The following CAMK2B variants were observed in gnomAD, a reference collection of about 807,000 sequenced individuals.
CAMK2B encodes the protein calcium/calmodulin-dependent protein kinase type II subunit beta.
In CAMK2B, 27 loss-of-function variants were observed where a neutral mutation model predicts 93.7. The observed-to-expected ratio is 0.29, with a 90% CI of 0.21 to 0.40. The LOEUF is 0.40. CAMK2B is among the 10% of genes least tolerant of loss of function. The pLI, the probability that CAMK2B is intolerant of heterozygous loss-of-function variation, is 1.00. For missense variants in CAMK2B, 568 were observed against 895.8 expected (o/e 0.63, Z 4.67); for synonymous variants, 374 against 358.8 (o/e 1.04, Z -0.48).
At position 44,271,710 on chromosome 7, in the gene CAMK2B, T is replaced by C. The variant is rs925238626; in HGVS notation, c.161-8646A>G. 1.4e-4 allele frequency among the ~76,000 whole-genome samples: 21 copies of C among 152,176 alleles called. No individual in the cohort carries two copies. Among genetic ancestry groups the C allele is most frequent in the Admixed American group, 1.2e-3 (19 of 15,286 alleles). On this transcript the variant is annotated intron_variant, in intron 2 of 23. Coordinates refer to ENST00000395749, the MANE Select transcript of CAMK2B (RefSeq NM_001220.5). The surrounding 1 kb of genome is among the most constrained non-coding windows in gnomAD (Gnocchi z 4.2). Reference sequence around the variant, plus strand: ...CTCTCCTCTGACTCTCCTCCCTGGCTGGTAAATGTGAAGTAGAACCAGTCC... The same window carrying C: ...CTCTCCTCTGACTCTCCTCCCTGGCCGGTAAATGTGAAGTAGAACCAGTCC...
At position 44,217,218 on chromosome 7, in the gene CAMK2B, C is replaced by T. The variant is rs1042342846; in HGVS notation, c.*2307G>A. On this transcript the variant is annotated 3_prime_UTR_variant, in exon 24 of 24. Transcript: ENST00000395749. ...GAACAAAATAAGAATAATTTTTGTA[C>T]ACTTACAAGGCTCAGAAAGAAAAGA... 6.6e-6 allele frequency: 1 copy of T among 152,578 alleles called. No homozygotes were observed. The allele number at this position is 152,578 out of a possible 1,614,324, so 9.5% of individuals were successfully genotyped here. A position where few individuals can be genotyped will look rare whatever the true frequency, so the allele number is the denominator to read the frequency against.
At chr7:44,230,414 A>T (rs574460614) in intron 17 of CAMK2B, 8 of 153,294 alleles carry the variant, frequency 5.2e-5, no homozygotes, top group African/African-American at 1.9e-4. Context: ...AGGAGGCCCC[A>T]TGTGGGTGGT....
intron 19 of CAMK2B, among the ~76,000 whole-genome samples, chr7:44,228,209 C>T (rs955093618): frequency 7.9e-5 from 12 of 151,942 alleles, no homozygotes; most frequent in African/African-American, 2.9e-4. Flanking sequence ...CCTGGCCTGG[C>T]CCCATGAGGA....
chr7:44,321,164 C>T (rs530043983), intron 1 of CAMK2B, among the ~76,000 whole-genome samples: 55 of 152,322 alleles, frequency 3.6e-4, no homozygotes, highest in South Asian at 1.0e-3. Context: ...CCCTGGCAAC[C>T]GGCTCAGAGC....
At position 44,242,211 on chromosome 7, in the gene CAMK2B, G is replaced by C. The variant is rs770871191; in HGVS notation, c.819+7C>G. 1 of 1,610,614 alleles carries C rather than the reference G, an allele frequency of 6.2e-7. No homozygotes were observed. The highest frequency in any genetic ancestry group is 8.5e-7 in the Non-Finnish European group (1 of 1,177,836). ...CCTCCCCACCATGGGCACCAAGGGC[G>C]ACTCACGCAGACCCACGGGTGCTTC... On this transcript the variant is annotated splice_region_variant and intron_variant, in intron 10 of 23. Coordinates refer to ENST00000395749, the MANE Select transcript of CAMK2B (RefSeq NM_001220.5).
At chr7:44,281,356 A>T (rs868615812) in intron 2 of CAMK2B, among the ~76,000 whole-genome samples, 1 of 152,214 alleles carries the variant, frequency 6.6e-6, no homozygotes, top group African/African-American at 2.4e-5. Context: ...CCAGGAGGAC[A>T]GCAGGCTGTG....
intron 1 of CAMK2B, among the ~76,000 whole-genome samples, chr7:44,288,751 A>T (rs908774399): frequency 2.0e-5 from 3 of 152,170 alleles, no homozygotes; most frequent in African/African-American, 4.8e-5. Flanking sequence ...GAAGGGGAAG[A>T]ATTAGTTCTG....
At chr7:44,300,583 G>C (rs537721295) in intron 1 of CAMK2B, among the ~76,000 whole-genome samples, 9 of 152,124 alleles carry the variant, frequency 5.9e-5, no homozygotes, top group Non-Finnish European at 1.2e-4. Context: ...AAGATGACAT[G>C]CAGTCCTAAA....
chr7:44,270,078 C>G (rs1328062304), intron 2 of CAMK2B, among the ~76,000 whole-genome samples: 1 of 151,876 alleles, frequency 6.6e-6, no homozygotes, highest in Non-Finnish European at 1.5e-5. Context: ...GAACGTACCC[C>G]CCCCCCATTC....
chr7:44,304,027 A>T (rs924650275), intron 1 of CAMK2B, among the ~76,000 whole-genome samples: 1 of 152,224 alleles, frequency 6.6e-6, no homozygotes, highest in Non-Finnish European at 1.5e-5. Flanking sequence ...GGAATTGCAA[A>T]TAAGACAAAA....
intron 1 of CAMK2B, among the ~76,000 whole-genome samples, chr7:44,292,509 A>T (rs1274023030): frequency 6.6e-6 from 1 of 152,174 alleles, no homozygotes; most frequent in Non-Finnish European, 1.5e-5. Flanking sequence ...GCTTCATAGG[A>T]CGTTAACAGA....
intron 11 of CAMK2B, among the ~76,000 whole-genome samples, chr7:44,241,176 C>T (rs1584069845): frequency 6.6e-6 from 1 of 152,120 alleles, no homozygotes. Context: ...AACAAGTCCC[C>T]ATCCCGGAAC....
At chr7:44,267,803 T>C (rs1236923411) in intron 2 of CAMK2B, among the ~76,000 whole-genome samples, 1 of 152,128 alleles carries the variant, frequency 6.6e-6, no homozygotes, top group Non-Finnish European at 1.5e-5. Context: ...CATAAACAAT[T>C]GCCCTCAAAA....
chr7:44,248,526 C>G lies in CAMK2B; in HGVS notation c.342-1334G>C, dbSNP rs1265032145. 6.6e-6 allele frequency among the ~76,000 whole-genome samples: 1 copy of G among 152,236 alleles called. No homozygotes were observed. Among genetic ancestry groups the G allele is most frequent in the African/African-American group, 2.4e-5 (1 of 41,462 alleles). Reference sequence around the variant, plus strand: ...CCACAGGCTGCCGATGCCCACCTGCCTGGGGTCTCAGTCACCGCCCCACTG... The same window carrying G: ...CCACAGGCTGCCGATGCCCACCTGCGTGGGGTCTCAGTCACCGCCCCACTG... On this transcript the variant is annotated intron_variant, in intron 5 of 23. Coordinates refer to ENST00000395749, the MANE Select transcript of CAMK2B (RefSeq NM_001220.5). This position sits in a 1 kb window ranked among gnomAD's most constrained non-coding sequence, Gnocchi z 4.1.
chr7:44,277,553 G>A (rs968805665), intron 2 of CAMK2B, among the ~76,000 whole-genome samples: 1 of 152,150 alleles, frequency 6.6e-6, no homozygotes, highest in African/African-American at 2.4e-5. Context: ...GCTCGGGCCC[G>A]GACATGAGTG....
At chr7:44,230,923 A>C (rs2096573225) in intron 17 of CAMK2B, 83 bp downstream of exon 17, 2 of 1,210,630 alleles carry the variant, frequency 1.7e-6, no homozygotes, top group Admixed American at 2.1e-5. Context: ...AGGAGAGTTG[A>C]CCCTGCCCAA....
At chr7:44,239,511 G>A (rs1235557025) in intron 13 of CAMK2B, 78 bp downstream of exon 13, 27 of 1,342,922 alleles carry the variant, frequency 2.0e-5, no homozygotes, top group Non-Finnish European at 2.6e-5. Context: ...CCGGCCAGCG[G>A]CTGCGTGCAG....
At chr7:44,239,920 C>T (rs2096660364) in intron 12 of CAMK2B, among the ~76,000 whole-genome samples, 2 of 152,172 alleles carry the variant, frequency 1.3e-5, no homozygotes, top group Non-Finnish European at 2.9e-5. Context: ...GTGTGGTGAG[C>T]ACACAGCAGA....
chr7:44,223,387 G>A (rs966579067), intron 20 of CAMK2B, among the ~76,000 whole-genome samples: 6 of 152,120 alleles, frequency 3.9e-5, no homozygotes, highest in Admixed American at 6.5e-5. Flanking sequence ...GGTGGACCCC[G>A]GAAAGCTGGC....
Sources: gnomAD v4.1 joint callset for allele counts (sites outside exome capture counted in the v4.1 genomes callset) on GRCh38, gnomAD v4.1.1 for gene constraint, Gnocchi (gnomAD v3.1) non-coding constraint, MANE v1.5 for transcripts, NCBI Gene and HGNC (gene_info 2026-07-23, HGNC 2026-07-21) for gene names.